Variants in KDM4B observed in about 807,000 individuals in gnomAD.
KDM4B encodes the protein lysine demethylase 4B.
Under a neutral mutation model 125.2 loss-of-function variants are expected in KDM4B, and 32 were observed. That is an observed-to-expected ratio of 0.26 (90% CI 0.19 to 0.34). The LOEUF (loss-of-function observed/expected upper bound fraction) is 0.34. Ranked by LOEUF, KDM4B falls within the 10% of genes least tolerant of loss-of-function variation. KDM4B has a pLI of 1.00. For synonymous variants in KDM4B, 721 were observed against 677.9 expected (o/e 1.06, Z -0.99); for missense variants, 1,190 against 1,577.7 (o/e 0.75, Z 4.16).
intron 2 of KDM4B, among the ~76,000 whole-genome samples, chr19:5,028,707 G>A (rs2036358036): frequency 6.6e-6 from 1 of 152,146 alleles, no homozygotes; most frequent in East Asian, 1.9e-4. Flanking sequence ...GTGTTCGAGG[G>A]CCCCAATTTC....
At chr19:5,092,852 G>A (rs376823911) in intron 9 of KDM4B, among the ~76,000 whole-genome samples, 3 of 152,190 alleles carry the variant, frequency 2.0e-5, no homozygotes, top group Non-Finnish European at 2.9e-5. Flanking sequence ...TTCCTCAGCC[G>A]TCGTGGATGA....
intron 9 of KDM4B, among the ~76,000 whole-genome samples, chr19:5,094,681 C>A (rs1358748525): frequency 6.6e-6 from 1 of 152,064 alleles, no homozygotes; most frequent in Non-Finnish European, 1.5e-5. Context: ...TGCGGTGGTG[C>A]TGGGAGCGCA....
At chr19:5,139,278 C>T (rs2039700719) in intron 18 of KDM4B, among the ~76,000 whole-genome samples, 1 of 152,144 alleles carries the variant, frequency 6.6e-6, no homozygotes, top group Admixed American at 6.5e-5. Flanking sequence ...GGCAGGAGTT[C>T]CTTCTTTTCC....
chr19:5,138,094 A>G lies in KDM4B; in HGVS notation c.2550+24A>G, dbSNP rs1035484506. On this transcript the variant is annotated intron_variant, in intron 18 of 22. Transcript: ENST00000159111. ...TGGTAGGTCCTTGCGGTCGAGGCCC[A>G]CCCTGCCCGTGCCTCTAGGGCTGCC... 3.2e-6 allele frequency: 5 copies of G among 1,573,756 alleles called. No individual in the cohort carries two copies. In the African/African-American group the frequency reaches 6.7e-5, roughly 21 times the overall value.
intron 5 of KDM4B, among the ~76,000 whole-genome samples, chr19:5,043,112 G>A (rs1277437580): frequency 1.3e-5 from 2 of 150,948 alleles, no homozygotes; most frequent in African/African-American, 4.9e-5. Flanking sequence ...TATCCCGCAC[G>A]GCGTTTATCG....
chr19:5,128,609 G>A (rs1299275594), intron 11 of KDM4B, among the ~76,000 whole-genome samples: 1 of 152,200 alleles, frequency 6.6e-6, no homozygotes, highest in Non-Finnish European at 1.5e-5. Context: ...CCTGACAGGC[G>A]CTCGGGGTGA....
rs1011352845 is a variant in KDM4B at position 5,142,233 on chromosome 19, G to A, written c.2551-1734G>A. 3.3e-5 allele frequency among the ~76,000 whole-genome samples: 5 copies of A among 152,074 alleles called. No individual in the cohort carries two copies. The highest frequency in any genetic ancestry group is 5.9e-5 in the Non-Finnish European group (4 of 67,984). Reference sequence around the variant, plus strand: ...GGCCCTTCCAGGCCCCCCACGGGCCGTAGACCCTGACTCCCCGGCACACAC... The same window carrying A: ...GGCCCTTCCAGGCCCCCCACGGGCCATAGACCCTGACTCCCCGGCACACAC... On this transcript the variant is annotated intron_variant, in intron 18 of 22. Transcript: ENST00000159111. The surrounding 1 kb of genome is among the most constrained non-coding windows in gnomAD (Gnocchi z 5.4).
chr19:5,066,384 C>A (rs946400844), intron 6 of KDM4B, among the ~76,000 whole-genome samples: 1 of 147,586 alleles, frequency 6.8e-6, no homozygotes, highest in Non-Finnish European at 1.5e-5. Context: ...TCCTTGTTGG[C>A]GCCTCACATG....
chr19:5,041,657 G>A (rs992078569), intron 5 of KDM4B, among the ~76,000 whole-genome samples: 1 of 152,242 alleles, frequency 6.6e-6, no homozygotes, highest in Admixed American at 6.5e-5. Flanking sequence ...CTCAGGGCCC[G>A]GAGACACTGG....
intron 1 of KDM4B, among the ~76,000 whole-genome samples, chr19:5,013,450 C>T (rs2035791997): frequency 6.6e-6 from 1 of 152,190 alleles, no homozygotes; most frequent in South Asian, 2.1e-4. Flanking sequence ...AAACAGCACC[C>T]GTTCATTCTC....
chr19:5,119,099 C>T (rs772414332), intron 10 of KDM4B: 19 of 1,478,652 alleles, frequency 1.3e-5, no homozygotes, highest in East Asian at 7.4e-5. Context: ...AGAAAAAACC[C>T]GTGAAATTTA....
intron 9 of KDM4B, among the ~76,000 whole-genome samples, chr19:5,096,364 C>T (rs993910945): frequency 3.9e-5 from 6 of 152,172 alleles, no homozygotes; most frequent in South Asian, 2.1e-4. Context: ...GGATTACAAG[C>T]GTGAGCCACC....
intron 10 of KDM4B, chr19:5,111,802 G>A (rs780799001): frequency 4.3e-5 from 33 of 765,046 alleles, no homozygotes; most frequent in Non-Finnish European, 6.5e-5. Context: ...TCGACGTCTC[G>A]ACTCCGCATG....
chr19:4,971,429 T>G lies in KDM4B; in HGVS notation c.-109+2199T>G, dbSNP rs149680147. 2.3e-5 allele frequency among the ~76,000 whole-genome samples: 3 copies of G among 128,320 alleles called. No homozygotes were observed. Among genetic ancestry groups the G allele is most frequent in the Non-Finnish European group, 4.9e-5 (3 of 61,476 alleles). The allele number at this position is 128,320 out of a possible 152,430, so 84.2% of individuals were successfully genotyped here. ...TTCCTAATTTCTCTGTCTCCTCTGC[T>G]GGTTTCCTGCCCGTTTGTCCTATGC... is the stretch of plus-strand genomic sequence containing the variant. On this transcript the variant is annotated intron_variant, in intron 1 of 22. Transcript: ENST00000159111. This position sits in a 1 kb window ranked among gnomAD's most constrained non-coding sequence, Gnocchi z 4.1.
intron 2 of KDM4B, among the ~76,000 whole-genome samples, chr19:5,016,708 G>T (rs2035903074): frequency 6.6e-6 from 1 of 152,228 alleles, no homozygotes; most frequent in Admixed American, 6.5e-5. Flanking sequence ...AGCTCAAGGG[G>T]CGTTCCCCCA....
At chr19:5,145,506 G>A (rs768522275) in intron 21 of KDM4B, among the ~76,000 whole-genome samples, 23 of 151,040 alleles carry the variant, frequency 1.5e-4, no homozygotes, top group Non-Finnish European at 7.4e-5. Flanking sequence ...GCTTGAACCC[G>A]GGAGGCAGAG....
At chr19:4,988,322 C>G (rs2145362859) in intron 1 of KDM4B, among the ~76,000 whole-genome samples, 1 of 152,212 alleles carries the variant, frequency 6.6e-6, no homozygotes, top group South Asian at 2.1e-4. Flanking sequence ...GTTTCCCAGG[C>G]TGGAGTGCAG....
intron 1 of KDM4B, among the ~76,000 whole-genome samples, chr19:4,978,455 T>C (rs858353): frequency 0.38 from 52,302 of 137,286 alleles, 10,069 homozygotes; most frequent in East Asian, 0.73. Context: ...TGCAGTGAGC[T>C]GAGATCACGC....
At chr19:5,076,119 G>T (rs2038100132) in intron 7 of KDM4B, 1 of 121,062 alleles carries the variant, frequency 8.3e-6, no homozygotes, top group African/African-American at 3.2e-5. Flanking sequence ...CCCCAGGGTC[G>T]TGCTCTCTCG....
Sources: gnomAD v4.1 joint callset for allele counts (sites outside exome capture counted in the v4.1 genomes callset) on GRCh38, gnomAD v4.1.1 for gene constraint, Gnocchi (gnomAD v3.1) non-coding constraint, MANE v1.5 for transcripts, NCBI Gene and HGNC (gene_info 2026-07-23, HGNC 2026-07-21) for gene names.